The following DRC8 variants were observed in gnomAD, a reference collection of about 807,000 sequenced individuals.
DRC8 encodes dynein regulatory complex protein 8.
the DRC8 span, among the ~76,000 whole-genome samples, chr1:245,073,695 A>G: frequency 1.3e-5 from 2 of 152,124 alleles, no homozygotes; most frequent in African/African-American, 2.4e-5. Context: ...TTGCTAAAAT[A>G]TATATATACA....
the DRC8 span, among the ~76,000 whole-genome samples, chr1:245,010,685 T>TA: frequency 0.023 from 3,351 of 148,094 alleles, 126 homozygotes; most frequent in African/African-American, 0.08. Context: ...TTCTTTCTTT[T>TA]TTTTTTTTTT....
chr1:244,985,941 AT>A, the DRC8 span, among the ~76,000 whole-genome samples: 2 of 151,654 alleles, frequency 1.3e-5, no homozygotes. Context: ...TCTGATTTAA[AT>A]TTTTCTTTTT....
the DRC8 span, among the ~76,000 whole-genome samples, chr1:245,017,795 G>A: frequency 6.6e-6 from 1 of 152,128 alleles, no homozygotes; most frequent in African/African-American, 2.4e-5. Flanking sequence ...AACATAAAAA[G>A]GCAAGAGAAG....
At chr1:245,112,909 A>G in the DRC8 span, among the ~76,000 whole-genome samples, 2 of 152,034 alleles carry the variant, frequency 1.3e-5, no homozygotes, top group African/African-American at 4.8e-5. Context: ...GTCTGCCACC[A>G]CGCCCAGCTA....
the DRC8 span, chr1:245,059,402 A>G: frequency 3.7e-6 from 6 of 1,611,394 alleles, no homozygotes; most frequent in East Asian, 6.7e-5. Context: ...TGGAACAATT[A>G]TCAGGTCATT....
the DRC8 span, among the ~76,000 whole-genome samples, chr1:245,056,663 T>C: frequency 0.95 from 144,762 of 152,280 alleles, 69,105 homozygotes; most frequent in Non-Finnish European, 1. Flanking sequence ...CAAGGCCGGG[T>C]GTGGTGGCTC....
chr1:244,974,493 ACCT>A, the DRC8 span, among the ~76,000 whole-genome samples: 1 of 151,856 alleles, frequency 6.6e-6, no homozygotes, highest in Non-Finnish European at 1.5e-5. Context: ...TTCAATTATC[ACCT>A]CCTAAATGGA....
At chr1:245,047,158 A>G in the DRC8 span, among the ~76,000 whole-genome samples, 1 of 152,196 alleles carries the variant, frequency 6.6e-6, no homozygotes, top group Admixed American at 6.5e-5. Context: ...GGTTTGGAGC[A>G]CTGATCTCCC....
At chr1:244,975,373 AG>A in the DRC8 span, among the ~76,000 whole-genome samples, 1 of 152,230 alleles carries the variant, frequency 6.6e-6, no homozygotes, top group Non-Finnish European at 1.5e-5. Context: ...TGAGCTTTGA[AG>A]TAAGACTTGA....
chr1:245,020,961 G>A, the DRC8 span, among the ~76,000 whole-genome samples: 65 of 151,942 alleles, frequency 4.3e-4, no homozygotes, highest in Non-Finnish European at 7.9e-4. Flanking sequence ...GCTACATGAC[G>A]TGCAGTTTTA....
chr1:245,010,275 G>C, the DRC8 span, among the ~76,000 whole-genome samples: 1 of 152,230 alleles, frequency 6.6e-6, no homozygotes, highest in Non-Finnish European at 1.5e-5. Flanking sequence ...ATTTGGGACT[G>C]CTTCCTAGAG....
At chr1:245,049,597 AAT>A in the DRC8 span, among the ~76,000 whole-genome samples, 3 of 152,212 alleles carry the variant, frequency 2.0e-5, no homozygotes, top group Admixed American at 2.0e-4. The surrounding 1 kb of genome is among the most constrained non-coding windows in gnomAD (Gnocchi z 4.5). Flanking sequence ...AAAAAACTGT[AAT>A]AAGAAAAAAT....
the DRC8 span, among the ~76,000 whole-genome samples, chr1:245,099,325 C>T: frequency 2.0e-5 from 3 of 152,130 alleles, no homozygotes; most frequent in African/African-American, 4.8e-5. Context: ...GGGACTATAT[C>T]GACATGACGT....
the DRC8 span, among the ~76,000 whole-genome samples, chr1:244,979,981 G>A: frequency 7.0e-6 from 1 of 143,106 alleles, no homozygotes; most frequent in Non-Finnish European, 1.5e-5. Flanking sequence ...GAGGCAGGTG[G>A]ATCACGAGGT....
the DRC8 span, among the ~76,000 whole-genome samples, chr1:245,018,174 C>G: frequency 7.0e-6 from 1 of 143,078 alleles, no homozygotes; most frequent in Non-Finnish European, 1.5e-5. Flanking sequence ...TTGCAGTGAG[C>G]TGAGATCATG....
the DRC8 span, among the ~76,000 whole-genome samples, chr1:245,047,832 T>C: frequency 0.015 from 2,209 of 150,756 alleles, 52 homozygotes; most frequent in African/African-American, 0.049. Flanking sequence ...ATAAACTTAG[T>C]GGAACATGGT....
chr1:245,116,889 T>C, the DRC8 span, among the ~76,000 whole-genome samples: 2 of 152,068 alleles, frequency 1.3e-5, no homozygotes, highest in African/African-American at 4.8e-5. Context: ...TTAATACTTA[T>C]AAAGCCAGCA....
chr1:245,023,935 C>T, the DRC8 span, among the ~76,000 whole-genome samples: 17 of 151,994 alleles, frequency 1.1e-4, no homozygotes, highest in Non-Finnish European at 2.1e-4. Context: ...TTTGGGAGGC[C>T]GAGGTGGGCA....
chr1:244,985,863 CAA>C, the DRC8 span, among the ~76,000 whole-genome samples: 131 of 137,496 alleles, frequency 9.5e-4, no homozygotes, highest in South Asian at 1.6e-3. Context: ...GACTCCATCT[CAA>C]AAAAAAAAAA....
Sources: allele counts gnomAD v4.1 joint callset (sites outside exome capture counted in the v4.1 genomes callset), GRCh38; gene constraint gnomAD v4.1.1; non-coding constraint Gnocchi (gnomAD v3.1); transcripts MANE v1.5; gene names NCBI Gene and HGNC (gene_info 2026-07-23, HGNC 2026-07-21).